VRK1: variants seen among roughly 807,000 people sequenced by gnomAD.
VRK1 encodes the protein serine/threonine-protein kinase VRK1.
In VRK1, 33 loss-of-function variants were observed where a neutral mutation model predicts 57.1. That is an observed-to-expected ratio of 0.58 (90% confidence interval 0.44 to 0.77). VRK1 has a LOEUF of 0.77. VRK1 is among the 30% of genes least tolerant of loss of function. The pLI, the probability that VRK1 is intolerant of heterozygous loss-of-function variation, is 0.00. For missense variants in VRK1, 413 were observed against 477.3 expected, an observed-to-expected ratio of 0.87 and a Z score of 1.25; for synonymous variants, 137 against 147.8, an observed-to-expected ratio of 0.93 and a Z score of 0.53.
At chr14:96,837,702 A>C in intron 2 of VRK1, 60 bp from the exon 3 acceptor site, 1 of 1,107,006 alleles carries the variant, frequency 9.0e-7, no homozygotes, top group Non-Finnish European at 1.2e-6. Context: ...ACAAACCTAA[A>C]TATTAATATA....
intron 1 of VRK1, among the ~76,000 whole-genome samples, chr14:96,804,359 A>C (rs1191791605): frequency 1.3e-5 from 2 of 152,258 alleles, no homozygotes; most frequent in Non-Finnish European, 2.9e-5. Context: ...CAAAGACAGG[A>C]AGAAATGAAT....
At chr14:96,878,183 A>G (rs763825467) in intron 12 of VRK1, among the ~76,000 whole-genome samples, 1 of 152,226 alleles carries the variant, frequency 6.6e-6, no homozygotes, top group African/African-American at 2.4e-5. Flanking sequence ...GAGAAATATT[A>G]TCTGATGGTA....
intron 1 of VRK1, among the ~76,000 whole-genome samples, chr14:96,824,442 T>C (rs1230350577): frequency 1.3e-5 from 2 of 152,062 alleles, no homozygotes; most frequent in Admixed American, 1.3e-4. Context: ...AATGAGATGA[T>C]TCAGTGTCAG....
chr14:96,803,501 ATTG>A (rs1260910258), intron 1 of VRK1, among the ~76,000 whole-genome samples: 3 of 152,124 alleles, frequency 2.0e-5, no homozygotes, highest in African/African-American at 4.8e-5. Flanking sequence ...TACTCTTAGT[ATTG>A]TTGTTAATCT....
In VRK1 at chr14:96,853,059, A is replaced by G. The variant is rs1161682994; in HGVS notation, c.484-15A>G. ...TAGGTACTGCATTAACTTATTCTGTATGATACTTTCATAGCTGGATATTCT... is the reference window on the plus strand; with the variant it reads ...TAGGTACTGCATTAACTTATTCTGTGTGATACTTTCATAGCTGGATATTCT... On this transcript the variant is annotated splice_polypyrimidine_tract_variant and intron_variant, in intron 6 of 12. Transcript: ENST00000216639. The G allele has an allele frequency of 1.2e-6, 2 of 1,613,274 alleles. No homozygotes were observed. The highest frequency in any genetic ancestry group is 2.7e-5 in the African/African-American group (2 of 74,920).
chr14:96,805,255 A>G (rs1885825414), intron 1 of VRK1, among the ~76,000 whole-genome samples: 1 of 152,218 alleles, frequency 6.6e-6, no homozygotes, highest in South Asian at 2.1e-4. Context: ...CTCAAATTGC[A>G]GCTTTAAGGT....
intron 1 of VRK1, among the ~76,000 whole-genome samples, chr14:96,806,237 G>T (rs1343998715): frequency 6.6e-6 from 1 of 152,294 alleles, no homozygotes; most frequent in East Asian, 1.9e-4. Context: ...GAGCTTTCAC[G>T]CCTATGGATA....
chr14:96,866,007 T>C (rs1015898831), intron 11 of VRK1, among the ~76,000 whole-genome samples: 1 of 152,162 alleles, frequency 6.6e-6, no homozygotes, highest in African/African-American at 2.4e-5. Context: ...AAAATTTTCT[T>C]CCTTGGGGGA....
intron 11 of VRK1, chr14:96,861,020 T>C (rs959275995): frequency 8.4e-6 from 2 of 238,292 alleles, no homozygotes; most frequent in African/African-American, 2.3e-5. Context: ...TCATAATTTA[T>C]ATGTTCTTTT....
chr14:96,846,615 A>T (rs776482637), intron 4 of VRK1, among the ~76,000 whole-genome samples: 7 of 151,636 alleles, frequency 4.6e-5, no homozygotes, highest in Non-Finnish European at 8.8e-5. Context: ...TAAACATTAC[A>T]TAATTAGAGA....
chr14:96,861,235 G>A (rs183634151), intron 11 of VRK1, among the ~76,000 whole-genome samples: 1 of 152,208 alleles, frequency 6.6e-6, no homozygotes, highest in East Asian at 1.9e-4. Flanking sequence ...AGCATATAAG[G>A]GGATTAATTG....
intron 3 of VRK1, among the ~76,000 whole-genome samples, chr14:96,843,536 C>T (rs1401395804): frequency 6.6e-6 from 1 of 152,188 alleles, no homozygotes; most frequent in Non-Finnish European, 1.5e-5. Flanking sequence ...TTTTAAATGG[C>T]AGCCAGTTGC....
At chr14:96,824,715 G>A (rs552673643) in intron 1 of VRK1, among the ~76,000 whole-genome samples, 7 of 148,266 alleles carry the variant, frequency 4.7e-5, no homozygotes, top group South Asian at 2.1e-4. Flanking sequence ...GTGCAGTGGC[G>A]CCGTCTCGGC....
chr14:96,816,176 C>G (rs902240678), intron 1 of VRK1, among the ~76,000 whole-genome samples: 1 of 152,064 alleles, frequency 6.6e-6, no homozygotes, highest in South Asian at 2.1e-4. Context: ...AATGAGCAGC[C>G]CCTGATGTTC....
At chr14:96,808,040 T>TGTGTGTGTGTGTGTGTGTGC (rs1885976582) in intron 1 of VRK1, among the ~76,000 whole-genome samples, 1 of 143,052 alleles carries the variant, frequency 7.0e-6, no homozygotes, top group Admixed American at 7.0e-5. Context: ...TGTGTGTGTG[T>TGTGTGTGTGTGTGTGTGTGC]GTGTGTGTGT....
chr14:96,816,350 C>T lies in VRK1; in HGVS notation c.-5-17117C>T, dbSNP rs575887562. Among the ~76,000 whole-genome samples, 14 of 152,250 alleles carry T rather than the reference C, an allele frequency of 9.2e-5. 1 individual carries two copies. Among genetic ancestry groups the T allele is most frequent in the South Asian group, 4.1e-4 (2 of 4,822 alleles). On this transcript the variant is annotated intron_variant, in intron 1 of 12. Transcript: ENST00000216639. ...ATACTTAGCCAAAATGAATGACTAC[C>T]GCTGCTTTACCCATTACAGTTTTAT...
intron 5 of VRK1, among the ~76,000 whole-genome samples, chr14:96,848,216 GC>G (rs1887791712): frequency 6.6e-6 from 1 of 152,100 alleles, no homozygotes; most frequent in Non-Finnish European, 1.5e-5. Context: ...CCAGGTGGCT[GC>G]TCCATTTCTA....
intron 1 of VRK1, among the ~76,000 whole-genome samples, chr14:96,816,684 C>CA (rs1272421921): frequency 6.6e-6 from 1 of 151,994 alleles, no homozygotes; most frequent in African/African-American, 2.4e-5. Context: ...ATATCAGTAA[C>CA]AAAAAATACA....
chr14:96,867,511 TTTAA>T (rs756850200), intron 11 of VRK1, among the ~76,000 whole-genome samples: 46 of 151,908 alleles, frequency 3.0e-4, no homozygotes, highest in Non-Finnish European at 5.5e-4. Flanking sequence ...GTTTTTACAC[TTTAA>T]TTAGTTATCT....
Sources: allele counts gnomAD v4.1 joint callset (sites outside exome capture counted in the v4.1 genomes callset), GRCh38; gene constraint gnomAD v4.1.1; transcripts MANE v1.5; gene names NCBI Gene and HGNC (gene_info 2026-07-23, HGNC 2026-07-21).